Variants in USP35 observed in about 807,000 individuals in gnomAD.
USP35 encodes the protein ubiquitin specific peptidase 35.
A neutral mutation model predicts 83.8 loss-of-function variants in USP35; 69 were observed. The observed-to-expected ratio is 0.82, with a 90% CI of 0.68 to 1.01. USP35 has a LOEUF of 1.01. USP35 is among the 50% of genes least tolerant of loss of function. USP35 has a pLI of 0.00. For synonymous variants in USP35, 714 were observed against 589.5 expected, an observed-to-expected ratio of 1.21 and a Z score of -3.06; for missense variants, 1,503 against 1,362.5, an observed-to-expected ratio of 1.10 and a Z score of -1.62.
In USP35 at chr11:78,214,595, A is replaced by G. The variant is rs1161402496; in HGVS notation, c.*782A>G. 1 of 152,292 alleles carries G rather than the reference A, an allele frequency of 6.6e-6. No homozygotes were observed. Among genetic ancestry groups the G allele is most frequent in the Non-Finnish European group, 1.5e-5 (1 of 68,076 alleles). The allele number at this position is 152,292 out of a possible 1,614,324, so 9.4% of individuals were successfully genotyped here. A position where few individuals can be genotyped will look rare whatever the true frequency, so the allele number is the denominator to read the frequency against. On this transcript the variant is annotated 3_prime_UTR_variant, in exon 11 of 11. Transcript: ENST00000529308. ...AGTTGGCCTTTGTAGCTGCAACAGC[A>G]GCCACCTGCAGGTTGGGTGAAGTGC...
the USP35 span, chr11:78,220,301 C>A: frequency 9.9e-5 from 159 of 1,611,666 alleles, no homozygotes; most frequent in Middle Eastern, 6.4e-4. Flanking sequence ...ACTGCCCCCC[C>A]AACTCTACTC....
At position 78,213,910 on chromosome 11, in the gene USP35, C is replaced by A. The variant is rs2134427084; in HGVS notation, c.*97C>A. The A allele has an allele frequency of 7.3e-7, 1 of 1,369,698 alleles. No homozygotes were observed. Among genetic ancestry groups the A allele is most frequent in the East Asian group, 2.8e-5 (1 of 35,994 alleles). 84.8% of individuals were successfully genotyped at this position (1,369,698 alleles called of 1,614,324 possible). On this transcript the variant is annotated 3_prime_UTR_variant, in exon 11 of 11. Coordinates refer to ENST00000529308, the MANE Select transcript of USP35 (RefSeq NM_020798.4). ...GGCCCTACCAAGAGGAAGGATGGTA[C>A]AGCTCATGGCACCTTAGTCCTCAGC...
rs202205531 is a variant in USP35 at position 78,209,527 on chromosome 11, C to A, written c.1672C>A (p.Pro558Thr). The A allele has an allele frequency of 6.2e-6, 10 of 1,613,668 alleles. No individual in the cohort carries two copies. Among genetic ancestry groups the A allele is most frequent in the Admixed American group, 3.3e-5 (2 of 60,010 alleles). ...QSSSPSPPEEPPAPSSTSVEK... is the reference protein window; with the variant it reads ...QSSSPSPPEETPAPSSTSVEK... ...CAGCTCGCCCTCTCCGCCCGAGGAG[C>A]CCCCGGCCCCAAGTTCAACCTCTGT... Residue 558 changes from proline to threonine, a missense_variant, in exon 10 of 11, where the codon CCC becomes ACC. By Grantham distance (38) the Pro-to-Thr change is conservative. Transcript: ENST00000529308.
intron 6 of USP35, 92 bp downstream of exon 6, chr11:78,200,900 G>T: frequency 6.7e-7 from 1 of 1,487,382 alleles, no homozygotes; most frequent in South Asian, 1.4e-5. Context: ...CTTGGTGGCA[G>T]TCCCCGTCAT....
chr11:78,207,300 T>A, intron 7 of USP35: 1 of 520,732 alleles, frequency 1.9e-6, no homozygotes, highest in South Asian at 2.2e-5. Flanking sequence ...GTCACCTTTG[T>A]ACCCTTCATT....
At chr11:78,190,986 T>C (rs896915711) in intron 1 of USP35, among the ~76,000 whole-genome samples, 80 of 152,230 alleles carry the variant, frequency 5.3e-4, no homozygotes, top group African/African-American at 1.8e-3. Flanking sequence ...TTATTCTGGG[T>C]CCAAGGGGCT....
chr11:78,222,385 G>T, the USP35 span, among the ~76,000 whole-genome samples: 1 of 151,996 alleles, frequency 6.6e-6, no homozygotes, highest in Non-Finnish European at 1.5e-5. Flanking sequence ...CATGTCTTCA[G>T]ATTCCAAATT....
At chr11:78,224,996 T>C in the USP35 span, 1 of 688,616 alleles carries the variant, frequency 1.5e-6, no homozygotes, top group Non-Finnish European at 2.6e-6. Flanking sequence ...TTGGGCAGGG[T>C]CCTAAGATGG....
At chr11:78,197,893 G>A in intron 2 of USP35, 43 bp from the exon 3 acceptor site, 1 of 1,599,100 alleles carries the variant, frequency 6.3e-7, no homozygotes, top group Non-Finnish European at 8.5e-7. Context: ...GGGAAGGGAG[G>A]GGCCTGCCTC....
Position 78,209,444 on chromosome 11 carries a change from C to T in USP35, c.1593-4C>T, listed in dbSNP as rs1308359469. 8 of 1,593,642 alleles carry T rather than the reference C, an allele frequency of 5.0e-6. No individual in the cohort carries two copies. The highest frequency in any genetic ancestry group is 6.8e-6 in the Non-Finnish European group (8 of 1,168,754). Reference sequence around the variant, plus strand: ...ATGTAGTGACTCTGTGCTCTCTGCCCCAGGCTGCACGAAGAGGAGAAAACG... The same window carrying T: ...ATGTAGTGACTCTGTGCTCTCTGCCTCAGGCTGCACGAAGAGGAGAAAACG... On this transcript the variant is annotated splice_polypyrimidine_tract_variant and splice_region_variant and intron_variant, in intron 9 of 10. Coordinates refer to ENST00000529308, the MANE Select transcript of USP35 (RefSeq NM_020798.4).
rs374593943 is a variant in USP35 at position 78,208,936 on chromosome 11, C to T, written c.1565C>T (p.Ser522Leu). 6.8e-6 allele frequency: 11 copies of T among 1,614,076 alleles called. No homozygotes were observed. The highest frequency in any genetic ancestry group is 2.2e-5 in the East Asian group (1 of 44,894). The change falls in exon 9 of 11, where the codon TCG (serine) becomes TTG (leucine). Residue 522 changes from serine to leucine, a missense_variant. Ser to Leu is a moderately radical substitution (Grantham distance 145, BLOSUM62 -2). Coordinates refer to ENST00000529308, the MANE Select transcript of USP35 (RefSeq NM_020798.4). ...WFSPGTQQDCSEYLKYLLDRL... is the reference protein window; with the variant it reads ...WFSPGTQQDCLEYLKYLLDRL... Reference sequence around the variant, plus strand: ...AGCCCTGGCACCCAGCAGGACTGCTCGGAGTATCTGAAGTACCTGCTGGAT... The same window carrying T: ...AGCCCTGGCACCCAGCAGGACTGCTTGGAGTATCTGAAGTACCTGCTGGAT...
the USP35 span, among the ~76,000 whole-genome samples, chr11:78,232,990 A>G: frequency 6.6e-6 from 1 of 151,810 alleles, no homozygotes; most frequent in Non-Finnish European, 1.5e-5. Context: ...GTTAGAGGAA[A>G]CACAGGATTA....
At chr11:78,213,041 G>A (rs1314084524) in intron 10 of USP35, among the ~76,000 whole-genome samples, 1 of 152,206 alleles carries the variant, frequency 6.6e-6, no homozygotes, top group Admixed American at 6.5e-5. Context: ...CCAGTGCCTG[G>A]AGTTTGTGTT....
At chr11:78,213,481 T>C (rs1863887302) in intron 10 of USP35, among the ~76,000 whole-genome samples, 165 bp from the exon 11 acceptor site, 1 of 147,286 alleles carries the variant, frequency 6.8e-6, no homozygotes, top group Non-Finnish European at 1.5e-5. Context: ...TTGAAGTCTT[T>C]TGAAGGTGTC....
chr11:78,218,214 T>C (rs148204477), downstream of USP35: 2,476 of 154,200 alleles, frequency 0.016, 69 homozygotes, highest in African/African-American at 0.056. Flanking sequence ...CAGAGTCCCC[T>C]GCACTGCCCT....
chr11:78,191,748 G>T (rs1017423389), intron 1 of USP35, among the ~76,000 whole-genome samples: 1 of 152,064 alleles, frequency 6.6e-6, no homozygotes, highest in Non-Finnish European at 1.5e-5. Context: ...GATCAGCAGT[G>T]CGTGTCTCCT....
At chr11:78,215,493 T>G (rs1380024491), downstream of USP35, 3 of 152,650 alleles carry the variant, frequency 2.0e-5, no homozygotes, top group African/African-American at 7.2e-5. Flanking sequence ...ACTTAAGTGA[T>G]TAGGCACCAA....
chr11:78,237,145 T>A, the USP35 span, among the ~76,000 whole-genome samples: 1 of 152,310 alleles, frequency 6.6e-6, no homozygotes, highest in Admixed American at 6.5e-5. Flanking sequence ...CTTGGTAGAA[T>A]TTACCAGTAA....
chr11:78,229,931 T>G, the USP35 span, among the ~76,000 whole-genome samples: 1 of 152,228 alleles, frequency 6.6e-6, no homozygotes, highest in Non-Finnish European at 1.5e-5. Context: ...TCTTACATCC[T>G]CTACCTCTAA....
Sources: gnomAD v4.1 joint callset for allele counts (sites outside exome capture counted in the v4.1 genomes callset) on GRCh38, gnomAD v4.1.1 for gene constraint, MANE v1.5 for transcripts, NCBI Gene and HGNC (gene_info 2026-07-23, HGNC 2026-07-21) for gene names.